Variants in ZMYND8 observed in about 807,000 individuals in gnomAD.
ZMYND8 encodes MYND-type zinc finger-containing chromatin reader ZMYND8.
A neutral mutation model predicts 140.8 loss-of-function variants in ZMYND8; 37 were observed. That is an observed-to-expected ratio of 0.26 (90% CI 0.20 to 0.35). ZMYND8 has a LOEUF of 0.35. ZMYND8 is among the 10% of genes least tolerant of loss of function. The pLI, the probability that ZMYND8 is intolerant of heterozygous loss-of-function variation, is 1.00. For synonymous variants in ZMYND8, 592 were observed against 597.1 expected (o/e 0.99, Z 0.12); for missense variants, 1,068 against 1,570.0 (o/e 0.68, Z 5.40).
Position 47,333,742 on chromosome 20 carries a change from A to AAAAAC in ZMYND8, c.85+14113_85+14114insGTTTT, listed in dbSNP as rs1366844374. Among the ~76,000 whole-genome samples the AAAAAC allele has an allele frequency of 6.0e-3, 855 of 142,112 alleles. 36 individuals are homozygous for AAAAAC. The highest frequency in any genetic ancestry group is 0.024 in the African/African-American group (827 of 34,488). The allele number at this position is 142,112 out of a possible 152,430, so 93.2% of individuals were successfully genotyped here. On this transcript the variant is annotated intron_variant, in intron 2 of 22. Coordinates refer to ENST00000471951, the MANE Select transcript of ZMYND8 (RefSeq NM_001281775.3). ...TCCGTCTCAAAAAAAAAAAAAAAAAAAAAAAAAAAAAAAACATTAGCTGGG... is the reference window on the plus strand; with the variant it reads ...TCCGTCTCAAAAAAAAAAAAAAAAAAAAAACAAAAAAAAAAAAAACATTAGCTGGG...
intron 16 of ZMYND8, among the ~76,000 whole-genome samples, chr20:47,235,124 CAGT>C (rs2039051125): frequency 1.3e-5 from 2 of 152,184 alleles, no homozygotes; most frequent in Admixed American, 1.3e-4. Context: ...TAACTAATCT[CAGT>C]AGATTATAAA....
intron 18 of ZMYND8, among the ~76,000 whole-genome samples, chr20:47,225,619 T>C: frequency 2.6e-5 from 1 of 38,600 alleles, no homozygotes. Flanking sequence ...AGGGGAATGG[T>C]CCCTCAATTC....
At chr20:47,350,107 C>T in intron 1 of ZMYND8, 1 of 1,232,000 alleles carries the variant, frequency 8.1e-7, no homozygotes, top group Non-Finnish European at 1.1e-6. Flanking sequence ...TTTATCTTTC[C>T]AAGTATTACA....
chr20:47,288,211 G>A (rs549115656), intron 7 of ZMYND8, among the ~76,000 whole-genome samples: 3 of 152,228 alleles, frequency 2.0e-5, no homozygotes, highest in Non-Finnish European at 2.9e-5. Flanking sequence ...TGCCAACAGC[G>A]ACCTTTCCAG....
At chr20:47,283,757 A>T (rs904027711) in intron 8 of ZMYND8, 109 bp from the exon 9 acceptor site, 1 of 1,085,976 alleles carries the variant, frequency 9.2e-7, no homozygotes, top group Non-Finnish European at 1.4e-6. Context: ...AGTCCCATAG[A>T]GGGAACACCT....
rs186171181 is a variant in ZMYND8 at position 47,314,201 on chromosome 20, G to A, written c.86-3997C>T. Among the ~76,000 whole-genome samples the A allele has an allele frequency of 7.3e-5, 11 of 151,696 alleles. No individual in the cohort carries two copies. In the South Asian group the frequency reaches 1.2e-3, roughly 17 times the overall value. ...TTATCATGTGACTGGATGACGTTAC[G>A]AAAATAAAGAAAATTGGCCAGGTGC... On this transcript the variant is annotated intron_variant, in intron 2 of 22. Coordinates refer to ENST00000471951, the MANE Select transcript of ZMYND8 (RefSeq NM_001281775.3).
rs779149000 is a variant in ZMYND8 at position 47,262,332 on chromosome 20, G to C, written c.1577C>G (p.Thr526Arg). Residue 526 changes from threonine (T) to arginine (R), a missense_variant, in exon 12 of 23, where the codon ACG (threonine) becomes AGG (arginine). Physicochemically the swap from Thr to Arg is moderately conservative, Grantham distance 71. Transcript: ENST00000471951. Reference sequence around the variant, plus strand: ...GCTGCCGGTGGTGGAGGTTTTGTCCGTTTTCGTCGTGATAGGAGCTGACAG... The same window carrying C: ...GCTGCCGGTGGTGGAGGTTTTGTCCCTTTTCGTCGTGATAGGAGCTGACAG... ...PQLSAPITTK[T>R]DKTSTTGSIL... The C allele has an allele frequency of 6.2e-7, 1 of 1,613,858 alleles. No individual in the cohort carries two copies.
At chr20:47,341,907 G>A (rs1229599074) in intron 2 of ZMYND8, among the ~76,000 whole-genome samples, 1 of 152,132 alleles carries the variant, frequency 6.6e-6, no homozygotes, top group Non-Finnish European at 1.5e-5. Context: ...GGAGGCTGAG[G>A]CAGGAGAATG....
chr20:47,297,080 G>C (rs1489799608), intron 4 of ZMYND8, among the ~76,000 whole-genome samples: 1 of 152,186 alleles, frequency 6.6e-6, no homozygotes. Context: ...GAAGGTTCCA[G>C]ATCCCATGAC....
intron 14 of ZMYND8, among the ~76,000 whole-genome samples, chr20:47,242,720 A>C (rs1424746729): frequency 6.6e-6 from 1 of 152,240 alleles, no homozygotes; most frequent in Non-Finnish European, 1.5e-5. Flanking sequence ...AAAGAACTAG[A>C]GTATACAATC....
At chr20:47,325,852 A>T (rs2080368238) in intron 2 of ZMYND8, among the ~76,000 whole-genome samples, 1 of 152,082 alleles carries the variant, frequency 6.6e-6, no homozygotes, top group Admixed American at 6.6e-5. Flanking sequence ...GCAATGGCAC[A>T]ATCTCCACCT....
chr20:47,320,020 C>CG (rs1193173618), intron 2 of ZMYND8: 3 of 152,318 alleles, frequency 2.0e-5, no homozygotes, highest in Middle Eastern at 3.4e-3. Context: ...GGCTGACACC[C>CG]GTTGGCACTA....
intron 2 of ZMYND8, among the ~76,000 whole-genome samples, chr20:47,334,308 A>G (rs962202306): frequency 2.0e-5 from 3 of 152,160 alleles, no homozygotes; most frequent in Non-Finnish European, 4.4e-5. Context: ...CCGCACCACT[A>G]TAAGTCAGGA....
chr20:47,222,779 C>G (rs1207157261), intron 19 of ZMYND8, among the ~76,000 whole-genome samples: 1 of 152,230 alleles, frequency 6.6e-6, no homozygotes. Flanking sequence ...AAGGTATTCT[C>G]CAATATTGCC....
In ZMYND8 at chr20:47,298,518, T is replaced by TAA. The variant is rs1275862838; in HGVS notation, c.453+209_453+210dup. ...CCAAGGACTCATGAGAAATCAGAAA[T>TAA]AATATTCCGTGCAATTGTCTTTCCA... On this transcript the variant is annotated intron_variant, in intron 4 of 22. Coordinates refer to ENST00000471951, the MANE Select transcript of ZMYND8 (RefSeq NM_001281775.3). This position sits in a 1 kb window ranked among gnomAD's most constrained non-coding sequence, Gnocchi z 5.0. 1 of 985,260 alleles carries TAA rather than the reference T, an allele frequency of 1.0e-6. No individual in the cohort carries two copies. The highest frequency in any genetic ancestry group is 1.1e-4 in the East Asian group (1 of 8,834). The allele number at this position is 985,260 out of a possible 1,614,324, so 61.0% of individuals were successfully genotyped here.
At chr20:47,291,723 T>G in intron 6 of ZMYND8, 73 bp downstream of exon 6, 1 of 1,182,798 alleles carries the variant, frequency 8.5e-7, no homozygotes, top group Non-Finnish European at 1.2e-6. Flanking sequence ...TGATAGAGCA[T>G]AGGCAGTGAG....
chr20:47,247,740 G>C (rs780185102), intron 13 of ZMYND8, among the ~76,000 whole-genome samples: 2 of 152,184 alleles, frequency 1.3e-5, no homozygotes, highest in Non-Finnish European at 2.9e-5. Flanking sequence ...AAAAATACCA[G>C]AGCCATGAAC....
rs1017281950 is a variant in ZMYND8, at chr20:47,282,340, C to T, written c.883-123G>A. On this transcript the variant is annotated intron_variant, in intron 9 of 22. Coordinates refer to ENST00000471951, the MANE Select transcript of ZMYND8 (RefSeq NM_001281775.3). ...CAGGCCATGAGTGGAAAAAGAGTTT[C>T]AAGCAGGGTCGGCCTGTGTGGTATT... The T allele has an allele frequency of 1.3e-5, 10 of 767,132 alleles. No individual in the cohort carries two copies. The Admixed American group carries it at 1.5e-4, about 11-fold the overall frequency. The allele number at this position is 767,132 out of a possible 1,614,324, so 47.5% of individuals were successfully genotyped here.
chr20:47,235,862 C>T (rs2039169993), intron 16 of ZMYND8, among the ~76,000 whole-genome samples: 2 of 152,122 alleles, frequency 1.3e-5, no homozygotes, highest in African/African-American at 4.8e-5. Flanking sequence ...GAGAGGGAGT[C>T]CCCTTGGTCC....
Sources: allele counts gnomAD v4.1 joint callset (sites outside exome capture counted in the v4.1 genomes callset), GRCh38; gene constraint gnomAD v4.1.1; non-coding constraint Gnocchi (gnomAD v3.1); transcripts MANE v1.5; gene names NCBI Gene and HGNC (gene_info 2026-07-23, HGNC 2026-07-21).